C11orf65: variants seen among roughly 807,000 people sequenced by gnomAD.
The protein encoded by C11orf65 is protein MFI.
A neutral mutation model predicts 35.3 loss-of-function variants in C11orf65; 38 were observed. That is an observed-to-expected ratio of 1.08 (90% CI 0.83 to 1.41). C11orf65 has a LOEUF of 1.41. C11orf65 is among the 40% of genes most tolerant of loss of function. C11orf65 has a pLI of 0.00. For synonymous variants in C11orf65, 105 were observed against 114.4 expected (o/e 0.92, Z 0.53); for missense variants, 370 against 367.1 (o/e 1.01, Z -0.06).
intron 7 of C11orf65, among the ~76,000 whole-genome samples, chr11:108,388,095 G>A (rs2092056150): frequency 6.6e-6 from 1 of 152,118 alleles, no homozygotes; most frequent in African/African-American, 2.4e-5. Context: ...GAGTCATCCT[G>A]CTTGCTTGGA....
intron 6 of C11orf65, among the ~76,000 whole-genome samples, chr11:108,403,917 T>C (rs2092489286): frequency 6.6e-6 from 1 of 152,166 alleles, no homozygotes; most frequent in Non-Finnish European, 1.5e-5. Context: ...TTCCAAGGAA[T>C]GAGTCATCTT....
intron 5 of C11orf65, among the ~76,000 whole-genome samples, chr11:108,406,318 T>TTTG (rs933743480): frequency 6.6e-6 from 1 of 152,292 alleles, no homozygotes; most frequent in South Asian, 2.1e-4. Context: ...TGTGTTTGTT[T>TTTG]TTGTTGTTGT....
At chr11:108,308,779 T>G in exon 7 of C11orf65, 2 of 516,822 alleles carry the variant, frequency 3.9e-6, no homozygotes, top group Non-Finnish European at 7.0e-6. Flanking sequence ...TATGTAGTCT[T>G]AAACCATTCT....
At chr11:108,457,396 C>T (rs980208980) in intron 2 of C11orf65, among the ~76,000 whole-genome samples, 3 of 152,112 alleles carry the variant, frequency 2.0e-5, no homozygotes, top group Non-Finnish European at 2.9e-5. Context: ...GTAATCCCAG[C>T]ACTTAGGGAG....
intron 6 of C11orf65, among the ~76,000 whole-genome samples, chr11:108,402,585 G>A (rs2092458200): frequency 6.6e-6 from 1 of 150,782 alleles, no homozygotes; most frequent in African/African-American, 2.4e-5. Flanking sequence ...CTATTTTATT[G>A]AGGTATGGTT....
chr11:108,388,912 C>A (rs916080277), intron 7 of C11orf65, among the ~76,000 whole-genome samples: 7 of 152,218 alleles, frequency 4.6e-5, no homozygotes, highest in African/African-American at 1.4e-4. Flanking sequence ...TGGCTCTATC[C>A]ATTCTTCCAA....
chr11:108,447,423 T>TA (rs1555175968), intron 2 of C11orf65, among the ~76,000 whole-genome samples: 3 of 151,976 alleles, frequency 2.0e-5, no homozygotes, highest in Non-Finnish European at 2.9e-5. Flanking sequence ...ACAGAAATTA[T>TA]AAAAAACTGT....
rs758654437 is a variant in C11orf65, at chr11:108,393,287, CA to C, written c.651del (p.Phe217LeufsTer6). ...HTATKGLIRA[F>X]EDGGIDSVME... Reference sequence around the variant, plus strand: ...ATCACAGAATCTATCCCCCCATCTTCAAAAGCTCTAATCAGCCCCTTTGTTG... The same window carrying C: ...ATCACAGAATCTATCCCCCCATCTTCAAAGCTCTAATCAGCCCCTTTGTTG... On this transcript the variant is annotated frameshift_variant, in exon 7 of 9. Coordinates refer to ENST00000393084, the MANE Select transcript of C11orf65 (RefSeq NM_152587.5). LOFTEE classifies it high-confidence loss of function. 6.2e-7 allele frequency: 1 copy of C among 1,614,106 alleles called. No individual in the cohort carries two copies. Among genetic ancestry groups the C allele is most frequent in the South Asian group, 1.1e-5 (1 of 91,078 alleles).
In C11orf65 at chr11:108,337,409, A is replaced by T. The variant is rs527456916; in HGVS notation, c.227-2117T>A. Among the ~76,000 whole-genome samples, 12 of 152,312 alleles carry T rather than the reference A, an allele frequency of 7.9e-5. No homozygotes were observed. In the East Asian group the frequency reaches 1.9e-3, roughly 24 times the overall value. On this transcript the variant is annotated intron_variant, in intron 2 of 3. Coordinates refer to the C11orf65 transcript ENST00000524755. ...TCTATAAAGGCTACTCTGTAGAGGG[A>T]TTTCTTTGATGTGGTTAAGATCATT...
rs1345782011 is a variant in C11orf65 at position 108,407,164 on chromosome 11, A to G, written c.175-15T>C. On this transcript the variant is annotated splice_polypyrimidine_tract_variant and intron_variant, in intron 3 of 8. Transcript: ENST00000393084. ...AGAAGCTCTGCCTATAAGAAAATAT[A>G]TTATTCTTATATATTATTCTTCAGG... 1 of 1,538,092 alleles carries G rather than the reference A, an allele frequency of 6.5e-7. No homozygotes were observed. Among genetic ancestry groups the G allele is most frequent in the East Asian group, 2.4e-5 (1 of 42,378 alleles).
chr11:108,380,898 A>G (rs1487554551), downstream of C11orf65, among the ~76,000 whole-genome samples: 6 of 152,218 alleles, frequency 3.9e-5, no homozygotes, highest in African/African-American at 9.7e-5. Flanking sequence ...TATAAAATGC[A>G]TGATTTACTA....
At chr11:108,420,140 AT>A (rs2092794660) in intron 3 of C11orf65, among the ~76,000 whole-genome samples, 1 of 152,110 alleles carries the variant, frequency 6.6e-6, no homozygotes, top group African/African-American at 2.4e-5. Context: ...GTAATTAACC[AT>A]TTATAGGAGC....
chr11:108,327,422 A>T, downstream of C11orf65: 1 of 490,826 alleles, frequency 2.0e-6, no homozygotes. Flanking sequence ...AATAAATGTG[A>T]CTTGCTCCAA....
chr11:108,380,580 G>A (rs145285225), downstream of C11orf65, among the ~76,000 whole-genome samples: 1 of 152,324 alleles, frequency 6.6e-6, no homozygotes, highest in East Asian at 1.9e-4. Context: ...CCACCCTAGT[G>A]CTTGTGCAAT....
intron 6 of C11orf65, chr11:108,325,265 T>TTTAA: frequency 2.7e-6 from 3 of 1,100,004 alleles, no homozygotes; most frequent in Non-Finnish European, 3.9e-6. Flanking sequence ...TTTTTTTTTT[T>TTTAA]TTTCATTTCT....
At chr11:108,352,457 T>C (rs930276730) in intron 2 of C11orf65, among the ~76,000 whole-genome samples, 1 of 152,116 alleles carries the variant, frequency 6.6e-6, no homozygotes, top group African/African-American at 2.4e-5. Flanking sequence ...CCGTAGAAAT[T>C]ACCCAAGCTG....
intron 2 of C11orf65, chr11:108,353,990 A>T (rs2089547402): frequency 9.4e-7 from 1 of 1,065,764 alleles, no homozygotes; most frequent in Non-Finnish European, 1.4e-6. Flanking sequence ...CTGAAGTGGG[A>T]GGATTGTTTG....
At chr11:108,348,092 A>C (rs915225997) in intron 2 of C11orf65, among the ~76,000 whole-genome samples, 2 of 152,154 alleles carry the variant, frequency 1.3e-5, no homozygotes, top group Non-Finnish European at 2.9e-5. Flanking sequence ...TAACTAAGGA[A>C]TATATCAAGT....
chr11:108,406,250 A>G (rs1401944858), intron 5 of C11orf65, among the ~76,000 whole-genome samples: 2 of 152,196 alleles, frequency 1.3e-5, no homozygotes, highest in African/African-American at 4.8e-5. Flanking sequence ...TTATTATTAA[A>G]CAAATGAATG....
Sources: allele counts gnomAD v4.1 joint callset (sites outside exome capture counted in the v4.1 genomes callset), GRCh38; gene constraint gnomAD v4.1.1; transcripts MANE v1.5; gene names NCBI Gene and HGNC (gene_info 2026-07-23, HGNC 2026-07-21).